TMCO5A: variants seen among roughly 807,000 people sequenced by gnomAD.
TMCO5A encodes transmembrane and coiled-coil domains 5A.
In TMCO5A, 34 loss-of-function variants were observed where a neutral mutation model predicts 42.3. The ratio of observed to expected loss-of-function variants is 0.80; its 90% CI spans 0.61 to 1.07. The LOEUF is 1.07. Among genes scored for constraint, TMCO5A ranks in the 50% least tolerant of loss-of-function variants. TMCO5A has a pLI of 0.00. For missense variants in TMCO5A, 357 were observed against 327.9 expected (o/e 1.09, Z -0.69); for synonymous variants, 131 against 115.6 (o/e 1.13, Z -0.86).
At chr15:37,981,868 G>T in the TMCO5A span, among the ~76,000 whole-genome samples, 1 of 152,176 alleles carries the variant, frequency 6.6e-6, no homozygotes, top group Non-Finnish European at 1.5e-5. Context: ...GATGCCAGCA[G>T]CTGGCCTTCC....
chr15:38,012,298 G>A, the TMCO5A span, among the ~76,000 whole-genome samples: 1 of 152,066 alleles, frequency 6.6e-6, no homozygotes, highest in Non-Finnish European at 1.5e-5. Flanking sequence ...CAGAATCCAT[G>A]GCTAGCCTTC....
chr15:38,026,734 C>A, the TMCO5A span, among the ~76,000 whole-genome samples: 2 of 152,346 alleles, frequency 1.3e-5, no homozygotes, highest in East Asian at 1.9e-4. Flanking sequence ...AAAATGGTTT[C>A]ATGGGCCAGG....
At chr15:37,979,426 C>CTCCCATTTT in the TMCO5A span, among the ~76,000 whole-genome samples, 1 of 152,168 alleles carries the variant, frequency 6.6e-6, no homozygotes, top group Non-Finnish European at 1.5e-5. Context: ...ATGTGGTAGG[C>CTCCCATTTT]TCCCATTTAC....
chr15:37,970,167 A>G (rs1890647306), downstream of TMCO5A, among the ~76,000 whole-genome samples: 1 of 152,222 alleles, frequency 6.6e-6, no homozygotes, highest in Non-Finnish European at 1.5e-5. Flanking sequence ...GCTGATAAAG[A>G]CATACCCGAG....
chr15:38,036,978 A>G, the TMCO5A span, among the ~76,000 whole-genome samples: 1 of 152,302 alleles, frequency 6.6e-6, no homozygotes, highest in African/African-American at 2.4e-5. Context: ...ACCTCCTAAC[A>G]TACCTCTCAT....
At chr15:37,937,218 C>A in intron 4 of TMCO5A, 128 bp from the exon 5 acceptor site, 3 of 1,190,672 alleles carry the variant, frequency 2.5e-6, no homozygotes, top group South Asian at 1.4e-5. Context: ...TCAATATACA[C>A]ATGACATTAT....
At chr15:37,965,272 T>C (rs561104887) in intron 11 of TMCO5A, among the ~76,000 whole-genome samples, 2 of 152,252 alleles carry the variant, frequency 1.3e-5, no homozygotes, top group African/African-American at 4.8e-5. Flanking sequence ...TCAAAATGGA[T>C]TGAAGTCTTA....
chr15:38,010,425 TCACACACACACACACACA>T, the TMCO5A span, among the ~76,000 whole-genome samples: 5 of 117,470 alleles, frequency 4.3e-5, 1 homozygote, highest in East Asian at 5.4e-4. Flanking sequence ...CAGAGGGAGA[TCACACACACACACACACA>T]CACACACACA....
chr15:37,982,104 T>G, the TMCO5A span, among the ~76,000 whole-genome samples: 3 of 152,190 alleles, frequency 2.0e-5, no homozygotes, highest in African/African-American at 4.8e-5. Context: ...AACAGCAAAC[T>G]TGTCCCATTT....
chr15:37,999,709 C>T, the TMCO5A span, among the ~76,000 whole-genome samples: 1 of 151,878 alleles, frequency 6.6e-6, no homozygotes, highest in Non-Finnish European at 1.5e-5. Flanking sequence ...TCTTCCATAC[C>T]CAGTTTTTTA....
At chr15:38,031,594 C>T in the TMCO5A span, among the ~76,000 whole-genome samples, 1 of 152,124 alleles carries the variant, frequency 6.6e-6, no homozygotes, top group African/African-American at 2.4e-5. Context: ...CTGAAGCCTC[C>T]GGCCAACAGT....
chr15:38,032,369 T>TC, the TMCO5A span, among the ~76,000 whole-genome samples: 4 of 152,190 alleles, frequency 2.6e-5, no homozygotes, highest in African/African-American at 9.7e-5. Context: ...ATTTTTTCCT[T>TC]CCTGGCATTT....
the TMCO5A span, among the ~76,000 whole-genome samples, chr15:37,987,108 T>C: frequency 6.6e-6 from 1 of 152,100 alleles, no homozygotes; most frequent in African/African-American, 2.4e-5. Context: ...CTAATGTGTG[T>C]AAGGTGATAT....
rs919674027 is a variant in TMCO5A at position 37,964,507 on chromosome 15, C to T, written c.669-2118C>T. ...TGATCTGGAGCTAAAATTCACAATG[C>T]GAGCCTCTGCATGCTTCTCTCCCTG... On this transcript the variant is annotated intron_variant, in intron 11 of 11. Transcript: ENST00000559502. 3.3e-5 allele frequency among the ~76,000 whole-genome samples: 5 copies of T among 151,970 alleles called. No individual in the cohort carries two copies. In the South Asian group the frequency reaches 6.2e-4, roughly 19 times the overall value.
chr15:38,029,039 C>T, the TMCO5A span, among the ~76,000 whole-genome samples: 1 of 152,048 alleles, frequency 6.6e-6, no homozygotes. Flanking sequence ...GCTGTTATAA[C>T]TCAATAGAAA....
At chr15:38,012,296 A>G in the TMCO5A span, among the ~76,000 whole-genome samples, 3 of 152,146 alleles carry the variant, frequency 2.0e-5, no homozygotes, top group African/African-American at 7.2e-5. Flanking sequence ...CCCAGAATCC[A>G]TGGCTAGCCT....
At chr15:37,939,067 G>T (rs578199612) in intron 6 of TMCO5A, among the ~76,000 whole-genome samples, 15 of 152,176 alleles carry the variant, frequency 9.9e-5, no homozygotes, top group African/African-American at 3.1e-4. Context: ...TGTTACATAG[G>T]TATACATGTG....
intron 4 of TMCO5A, 43 bp from the exon 5 acceptor site, chr15:37,937,303 T>A: frequency 6.2e-7 from 1 of 1,604,754 alleles, no homozygotes; most frequent in East Asian, 2.2e-5. Flanking sequence ...TAAGAACAGA[T>A]GGAGTACAGA....
At chr15:38,002,595 C>T in the TMCO5A span, among the ~76,000 whole-genome samples, 1 of 151,986 alleles carries the variant, frequency 6.6e-6, no homozygotes, top group Non-Finnish European at 1.5e-5. Context: ...TGTCTTCAAG[C>T]TCACTAATTC....
Sources: allele counts gnomAD v4.1 joint callset (sites outside exome capture counted in the v4.1 genomes callset), GRCh38; gene constraint gnomAD v4.1.1; transcripts MANE v1.5; gene names NCBI Gene and HGNC (gene_info 2026-07-23, HGNC 2026-07-21).